The following DHTKD1 variants were observed in gnomAD, a reference collection of about 807,000 sequenced individuals.
The protein encoded by DHTKD1 is dehydrogenase E1 and transketolase domain containing 1.
A neutral mutation model predicts 101.8 loss-of-function variants in DHTKD1; 78 were observed. That is an observed-to-expected ratio of 0.77 (90% CI 0.64 to 0.93). The LOEUF (loss-of-function observed/expected upper bound fraction) is 0.93, where lower values mean the gene tolerates loss of function less well. Ranked by LOEUF, DHTKD1 falls within the 40% of genes least tolerant of loss-of-function variation. The pLI, the probability that DHTKD1 is intolerant of heterozygous loss-of-function variation, is 0.00. For synonymous variants in DHTKD1, 462 were observed against 450.3 expected (o/e 1.03, Z -0.33); for missense variants, 1,223 against 1,161.7 (o/e 1.05, Z -0.77).
chr10:12,081,831 A>G (rs775128410), intron 2 of DHTKD1, among the ~76,000 whole-genome samples: 2 of 152,050 alleles, frequency 1.3e-5, no homozygotes, highest in Non-Finnish European at 2.9e-5. Flanking sequence ...TCAAGGTTCA[A>G]AAACATTTAA....
chr10:12,099,288 G>A (rs2131366360), intron 8 of DHTKD1, among the ~76,000 whole-genome samples: 1 of 152,124 alleles, frequency 6.6e-6, no homozygotes, highest in East Asian at 1.9e-4. Context: ...TTAGGAAATA[G>A]GATGTTATAA....
chr10:12,105,584 T>C (rs1383979728), intron 10 of DHTKD1, among the ~76,000 whole-genome samples: 1 of 152,094 alleles, frequency 6.6e-6, no homozygotes, highest in East Asian at 1.9e-4. Flanking sequence ...TCCCAAATTG[T>C]TGGGAGGCCA....
At chr10:12,077,205 G>A (rs886205396) in intron 1 of DHTKD1, among the ~76,000 whole-genome samples, 1 of 150,468 alleles carries the variant, frequency 6.6e-6, no homozygotes, top group Non-Finnish European at 1.5e-5. Flanking sequence ...TGCTTTATAT[G>A]TTGTGGTCAT....
intron 13 of DHTKD1, among the ~76,000 whole-genome samples, chr10:12,116,128 G>A (rs1833412862): frequency 6.6e-6 from 1 of 151,276 alleles, no homozygotes. Context: ...ACGAGGTTTC[G>A]CCATGTGGGC....
intron 15 of DHTKD1, among the ~76,000 whole-genome samples, chr10:12,119,570 T>A: frequency 7.0e-6 from 1 of 142,810 alleles, no homozygotes; most frequent in Non-Finnish European, 1.5e-5. Context: ...GAGCCGAGAT[T>A]GCGCTACTGC....
In DHTKD1 at chr10:12,121,232, A is replaced by AC; in HGVS notation, c.*344_*345insC. ...AAGACTGCGTTTCAAAAAAAAAAAA[A>AC]AAAAAACCCATTAAAAGAGGCCTCC... On this transcript the variant is annotated 3_prime_UTR_variant, in exon 17 of 17. Transcript: ENST00000263035. The AC allele has an allele frequency of 4.4e-6, 1 of 225,462 alleles. No individual in the cohort carries two copies. The highest frequency in any genetic ancestry group is 8.9e-6 in the Non-Finnish European group (1 of 112,492). The allele number at this position is 225,462 out of a possible 1,614,324, so 14.0% of individuals were successfully genotyped here.
chr10:12,114,416 C>A (rs1367539097), intron 13 of DHTKD1, among the ~76,000 whole-genome samples: 1 of 151,788 alleles, frequency 6.6e-6, no homozygotes, highest in African/African-American at 2.4e-5. Context: ...CCTGCCTCAG[C>A]CTCCTGAGTA....
intron 1 of DHTKD1, among the ~76,000 whole-genome samples, chr10:12,075,586 G>T (rs893614609): frequency 7.9e-5 from 12 of 151,920 alleles, no homozygotes; most frequent in Admixed American, 2.6e-4. Flanking sequence ...TGTTGCCCAG[G>T]CTGGTCTCAA....
intron 5 of DHTKD1, 33 bp from the exon 6 acceptor site, chr10:12,091,480 C>A: frequency 1.6e-6 from 2 of 1,274,830 alleles, no homozygotes. Flanking sequence ...TGTTTCTTTT[C>A]TCCCCACCCG....
rs2131622762 is a variant in DHTKD1 at position 12,110,933 on chromosome 10, C to T, written c.2155-1967C>T. ...TGGTGGTGCGTGCCCATAATCCTCA[C>T]TACTTGGGAGGCTGAGGTGGGAGGA... On this transcript the variant is annotated intron_variant, in intron 12 of 16. Coordinates refer to ENST00000263035, the MANE Select transcript of DHTKD1 (RefSeq NM_018706.7). This position sits in a 1 kb window ranked among gnomAD's most constrained non-coding sequence, Gnocchi z 4.9. Among the ~76,000 whole-genome samples the T allele has an allele frequency of 6.6e-6, 1 of 151,072 alleles. No homozygotes were observed. The highest frequency in any genetic ancestry group is 2.1e-4 in the South Asian group (1 of 4,748).
chr10:12,070,141 A>G (rs1436632691), intron 1 of DHTKD1, among the ~76,000 whole-genome samples: 2 of 152,120 alleles, frequency 1.3e-5, no homozygotes, highest in Non-Finnish European at 2.9e-5. Flanking sequence ...TAGCCACTCT[A>G]TTGACACCTT....
At chr10:12,094,004 A>T in intron 6 of DHTKD1, 69 bp from the exon 7 acceptor site, 2 of 1,323,212 alleles carry the variant, frequency 1.5e-6, no homozygotes, top group Non-Finnish European at 2.2e-6. Flanking sequence ...TGCAGGAAGT[A>T]GGGCTTAGAG....
rs915199655 is a variant in DHTKD1, at chr10:12,107,032, TG to T, written c.2047+638del. On this transcript the variant is annotated intron_variant, in intron 11 of 16. Transcript: ENST00000263035. This position sits in a 1 kb window ranked among gnomAD's most constrained non-coding sequence, Gnocchi z 4.1. Reference sequence around the variant, plus strand: ...CGGAGTCTCGCTCTGTCACCCAGGCTGGAGTGCAGTGGTGCGATCTCGGCTC... The same window carrying T: ...CGGAGTCTCGCTCTGTCACCCAGGCTGAGTGCAGTGGTGCGATCTCGGCTC... Among the ~76,000 whole-genome samples, 2 of 151,600 alleles carry T rather than the reference TG, an allele frequency of 1.3e-5. No individual in the cohort carries two copies. Among genetic ancestry groups the T allele is most frequent in the African/African-American group, 4.8e-5 (2 of 41,286 alleles).
chr10:12,103,002 C>T lies in DHTKD1; in HGVS notation c.1896+1821C>T, dbSNP rs1833194844. Reference sequence around the variant, plus strand: ...CTTTGGGAGGCCAAGGCAGGCAGATCACTTGAGGCCAGGAGTTCAACACTG... The same window carrying T: ...CTTTGGGAGGCCAAGGCAGGCAGATTACTTGAGGCCAGGAGTTCAACACTG... On this transcript the variant is annotated intron_variant, in intron 10 of 16. Coordinates refer to ENST00000263035, the MANE Select transcript of DHTKD1 (RefSeq NM_018706.7). This position sits in a 1 kb window ranked among gnomAD's most constrained non-coding sequence, Gnocchi z 4.8. Among the ~76,000 whole-genome samples the T allele has an allele frequency of 2.6e-5, 4 of 152,210 alleles. No individual in the cohort carries two copies. Among genetic ancestry groups the T allele is most frequent in the Admixed American group, 2.6e-4 (4 of 15,284 alleles).
chr10:12,089,130 T>C lies in DHTKD1; in HGVS notation c.862T>C (p.Ser288Pro). Residue 288 changes from serine (S) to proline (P), a missense_variant, in exon 5 of 17, where the codon TCG becomes CCG. By Grantham distance (74) the Ser-to-Pro change is moderately conservative (BLOSUM62 -1). Transcript: ENST00000263035. ...PLHVTMLPNPSHLEAVNPVAV... is the reference protein window; with the variant it reads ...PLHVTMLPNPPHLEAVNPVAV... ...CCATGTGACAATGTTGCCCAATCCC[T>C]CGCACCTGGAGGCCGTCAACCCCGT... The C allele has an allele frequency of 6.2e-7, 1 of 1,614,114 alleles. No homozygotes were observed. Among genetic ancestry groups the C allele is most frequent in the South Asian group, 1.1e-5 (1 of 91,080 alleles).
intron 1 of DHTKD1, among the ~76,000 whole-genome samples, chr10:12,074,595 T>G (rs984548788): frequency 6.6e-6 from 1 of 151,502 alleles, no homozygotes; most frequent in African/African-American, 2.4e-5. Flanking sequence ...CTTGACCTCA[T>G]GATCCACCCT....
chr10:12,089,029 A>C lies in DHTKD1; in HGVS notation c.761A>C (p.Asn254Thr). 5.0e-6 allele frequency: 8 copies of C among 1,614,114 alleles called. No individual in the cohort carries two copies. The highest frequency in any genetic ancestry group is 6.8e-6 in the Non-Finnish European group (8 of 1,179,962). Reference protein sequence around the residue: ...KMRGLSEFPENFSATGDVLSH... With the variant: ...KMRGLSEFPETFSATGDVLSH... ...CGAGGCTTAAGTGAATTTCCAGAGA[A>C]TTTCTCAGCCACTGGAGACGTCCTG... Residue 254 changes from asparagine (N) to threonine (T), a missense_variant, in exon 5 of 17, where the codon AAT (asparagine) becomes ACT (threonine). Transcript: ENST00000263035.
intron 2 of DHTKD1, among the ~76,000 whole-genome samples, chr10:12,084,317 T>C (rs1471718478): frequency 9.0e-4 from 102 of 113,102 alleles, no homozygotes; most frequent in Non-Finnish European, 2.0e-3. Context: ...TTTTTTTTTT[T>C]TAAATTTTTT....
rs538112550 is a variant in DHTKD1, at chr10:12,110,254, C to T, written c.2154+2239C>T. On this transcript the variant is annotated intron_variant, in intron 12 of 16. Coordinates refer to ENST00000263035, the MANE Select transcript of DHTKD1 (RefSeq NM_018706.7). This position sits in a 1 kb window ranked among gnomAD's most constrained non-coding sequence, Gnocchi z 4.9. ...CGGAGCTTGCAGTGAGCTGAGATTG[C>T]GCCATGCACTCCAGCCTGGGTGACA... Among the ~76,000 whole-genome samples the T allele has an allele frequency of 2.6e-5, 4 of 152,088 alleles. No homozygotes were observed. The highest frequency in any genetic ancestry group is 7.2e-5 in the African/African-American group (3 of 41,412).
Sources: allele counts gnomAD v4.1 joint callset (sites outside exome capture counted in the v4.1 genomes callset), GRCh38; gene constraint gnomAD v4.1.1; non-coding constraint Gnocchi (gnomAD v3.1); transcripts MANE v1.5; gene names NCBI Gene and HGNC (gene_info 2026-07-23, HGNC 2026-07-21).